Variants in FHIP1A observed in about 807,000 individuals in gnomAD.
The protein encoded by FHIP1A is FHF complex subunit HOOK-interacting protein 1A.
A neutral mutation model predicts 88.6 loss-of-function variants in FHIP1A; 61 were observed. The ratio of observed to expected loss-of-function variants is 0.69; its 90% confidence interval spans 0.56 to 0.85. FHIP1A has a LOEUF of 0.85. Among genes scored for constraint, FHIP1A ranks in the 40% least tolerant of loss-of-function variants. FHIP1A has a pLI of 0.00. For missense variants in FHIP1A, 1,154 were observed against 1,273.5 expected (o/e 0.91, Z 1.43); for synonymous variants, 478 against 496.0 (o/e 0.96, Z 0.48).
intron 1 of FHIP1A, among the ~76,000 whole-genome samples, chr4:151,441,093 A>T (rs1728396195): frequency 6.6e-6 from 1 of 152,070 alleles, no homozygotes; most frequent in African/African-American, 2.4e-5. Context: ...AAACACTATT[A>T]TTCTTAAATA....
chr4:151,603,234 A>T (rs984467114), intron 7 of FHIP1A, among the ~76,000 whole-genome samples: 1 of 151,756 alleles, frequency 6.6e-6, no homozygotes, highest in African/African-American at 2.4e-5. Context: ...AATTGTTTGA[A>T]CCTGGGAGGT....
At chr4:151,654,318 T>G (rs1033094842) in intron 11 of FHIP1A, among the ~76,000 whole-genome samples, 9 of 152,092 alleles carry the variant, frequency 5.9e-5, no homozygotes, top group Non-Finnish European at 1.5e-5. Flanking sequence ...TTCAAGCTCA[T>G]GTGCCCCCCC....
chr4:151,636,546 A>G (rs1342035343), intron 8 of FHIP1A, among the ~76,000 whole-genome samples: 1 of 152,066 alleles, frequency 6.6e-6, no homozygotes, highest in African/African-American at 2.4e-5. Flanking sequence ...GAGTCTAGTA[A>G]GGTTGCAGAT....
chr4:151,542,650 C>T (rs1732339293), intron 3 of FHIP1A, among the ~76,000 whole-genome samples: 1 of 152,184 alleles, frequency 6.6e-6, no homozygotes. Context: ...GCCTCATGAA[C>T]TGGCCCCTGA....
chr4:151,629,354 T>C (rs370398485), intron 7 of FHIP1A, among the ~76,000 whole-genome samples: 1 of 152,250 alleles, frequency 6.6e-6, no homozygotes. Context: ...TAATTAATCC[T>C]TTACTAACCA....
At chr4:151,467,505 C>A (rs1729362234) in intron 2 of FHIP1A, among the ~76,000 whole-genome samples, 1 of 152,198 alleles carries the variant, frequency 6.6e-6, no homozygotes, top group Non-Finnish European at 1.5e-5. Flanking sequence ...AATCACTCTA[C>A]TGTAAAGATA....
intron 3 of FHIP1A, among the ~76,000 whole-genome samples, chr4:151,526,699 C>T (rs1444183877): frequency 5.9e-5 from 9 of 151,612 alleles, no homozygotes; most frequent in African/African-American, 1.5e-4. Flanking sequence ...AGGTGGCTGC[C>T]GGGCGGAGAC....
At chr4:151,423,297 A>G (rs1733244882) in intron 1 of FHIP1A, among the ~76,000 whole-genome samples, 1 of 151,876 alleles carries the variant, frequency 6.6e-6, no homozygotes, top group African/African-American at 2.4e-5. Context: ...TCATATAGCT[A>G]ATTTATTTAT....
chr4:151,438,102 A>G (rs1413163822), intron 1 of FHIP1A, among the ~76,000 whole-genome samples: 1 of 151,794 alleles, frequency 6.6e-6, no homozygotes, highest in Non-Finnish European at 1.5e-5. Flanking sequence ...TGATGCAGAC[A>G]AGTCCAGCTT....
intron 3 of FHIP1A, among the ~76,000 whole-genome samples, chr4:151,542,051 T>C (rs1305852484): frequency 6.6e-6 from 1 of 152,188 alleles, no homozygotes; most frequent in Non-Finnish European, 1.5e-5. Context: ...TCCTTTCCTG[T>C]TAAGAGGAAC....
chr4:151,491,391 T>C (rs1472704894), intron 3 of FHIP1A, among the ~76,000 whole-genome samples: 1 of 152,102 alleles, frequency 6.6e-6, no homozygotes, highest in Non-Finnish European at 1.5e-5. Flanking sequence ...CCAGTGAAAC[T>C]AAGCTTCAAA....
chr4:151,575,538 C>T (rs1733755040), intron 4 of FHIP1A, among the ~76,000 whole-genome samples: 1 of 152,108 alleles, frequency 6.6e-6, no homozygotes. Flanking sequence ...TGTCTAGTGG[C>T]TGTCTTGTGG....
At chr4:151,616,383 C>G (rs1306453884) in intron 7 of FHIP1A, among the ~76,000 whole-genome samples, 2 of 151,856 alleles carry the variant, frequency 1.3e-5, no homozygotes, top group Admixed American at 6.6e-5. Context: ...AGACACTCAC[C>G]CAGACACATT....
intron 7 of FHIP1A, among the ~76,000 whole-genome samples, chr4:151,592,381 G>A (rs1251774606): frequency 5.3e-5 from 8 of 152,100 alleles, no homozygotes; most frequent in African/African-American, 1.2e-4. Flanking sequence ...TGATCCACCC[G>A]CCTCAGCCTC....
At chr4:151,472,525 C>T (rs555918930) in intron 2 of FHIP1A, among the ~76,000 whole-genome samples, 7 of 151,764 alleles carry the variant, frequency 4.6e-5, no homozygotes, top group South Asian at 4.1e-4. Context: ...AATAGAAACA[C>T]GTTACAAGGT....
At chr4:151,552,456 G>A (rs1021077657) in intron 3 of FHIP1A, among the ~76,000 whole-genome samples, 3 of 152,144 alleles carry the variant, frequency 2.0e-5, no homozygotes, top group Admixed American at 2.0e-4. Flanking sequence ...ACTGGATTAA[G>A]AAAATGTGGC....
At chr4:151,538,069 G>T (rs1421141837) in intron 3 of FHIP1A, among the ~76,000 whole-genome samples, 2 of 152,206 alleles carry the variant, frequency 1.3e-5, no homozygotes, top group East Asian at 3.9e-4. Context: ...AACTGAGTCA[G>T]AAGCAGCAAA....
intron 10 of FHIP1A, among the ~76,000 whole-genome samples, chr4:151,648,193 C>A (rs920199112): frequency 6.6e-6 from 1 of 152,128 alleles, no homozygotes; most frequent in Non-Finnish European, 1.5e-5. Flanking sequence ...GGTTCTAGTA[C>A]TTTCTTGGGC....
intron 6 of FHIP1A, among the ~76,000 whole-genome samples, chr4:151,587,185 C>T (rs1734251020): frequency 6.6e-6 from 1 of 152,116 alleles, no homozygotes; most frequent in Middle Eastern, 3.2e-3. Flanking sequence ...CTTTATTTTG[C>T]TTAATGGCGC....
Sources: allele counts gnomAD v4.1 joint callset (sites outside exome capture counted in the v4.1 genomes callset), GRCh38; gene constraint gnomAD v4.1.1; transcripts MANE v1.5; gene names NCBI Gene and HGNC (gene_info 2026-07-23, HGNC 2026-07-21).